The following DOCK3 variants were observed in gnomAD, a reference collection of about 807,000 sequenced individuals.
The protein encoded by DOCK3 is dedicator of cytokinesis 3.
Under a neutral mutation model 265.6 loss-of-function variants are expected in DOCK3, and 60 were observed. That is an observed-to-expected ratio of 0.23 (90% CI 0.18 to 0.28). The LOEUF is 0.28. Ranked by LOEUF, DOCK3 falls within the 10% of genes least tolerant of loss-of-function variation. DOCK3 has a pLI of 1.00. For missense variants in DOCK3, 1,981 were observed against 2,594.3 expected, an observed-to-expected ratio of 0.76 and a Z score of 5.14; for synonymous variants, 881 against 938.0, an observed-to-expected ratio of 0.94 and a Z score of 1.11.
At chr3:50,960,594 CT>C (rs1045724042) in intron 5 of DOCK3, among the ~76,000 whole-genome samples, 1 of 152,000 alleles carries the variant, frequency 6.6e-6, no homozygotes, top group Non-Finnish European at 1.5e-5. Flanking sequence ...GAGATAATCC[CT>C]TTATCAGAAG....
chr3:50,958,651 C>T (rs57642230), intron 5 of DOCK3, among the ~76,000 whole-genome samples: 14,330 of 152,122 alleles, frequency 0.094, 838 homozygotes, highest in Non-Finnish European at 0.12. Flanking sequence ...TTTATTTTTT[C>T]GTTTAACAAA....
chr3:51,077,571 G>A (rs1391197121), intron 7 of DOCK3, among the ~76,000 whole-genome samples: 1 of 152,186 alleles, frequency 6.6e-6, no homozygotes, highest in East Asian at 1.9e-4. Context: ...ATTGCCATGT[G>A]TGTTTGTAGA....
At chr3:51,116,466 A>AG (rs2083746263) in intron 9 of DOCK3, among the ~76,000 whole-genome samples, 1 of 151,488 alleles carries the variant, frequency 6.6e-6, no homozygotes, top group Non-Finnish European at 1.5e-5. Flanking sequence ...AAAAAAAAAA[A>AG]AAAAAAGGGT....
intron 19 of DOCK3, among the ~76,000 whole-genome samples, chr3:51,232,422 C>A (rs2078166742): frequency 6.6e-6 from 1 of 152,126 alleles, no homozygotes; most frequent in African/African-American, 2.4e-5. Context: ...AATGGTAGAT[C>A]TACTTTTAGT....
intron 2 of DOCK3, among the ~76,000 whole-genome samples, chr3:50,808,942 A>G (rs571482713): frequency 6.6e-6 from 1 of 152,232 alleles, no homozygotes; most frequent in African/African-American, 2.4e-5. Flanking sequence ...CTCACAGAAT[A>G]TACTCCAAAC....
At chr3:50,921,972 A>G (rs1172498269) in intron 4 of DOCK3, among the ~76,000 whole-genome samples, 2 of 152,120 alleles carry the variant, frequency 1.3e-5, no homozygotes. Context: ...CCTTACTGGG[A>G]GGTATCTCCC....
chr3:51,264,108 A>C (rs1302741113), intron 23 of DOCK3, among the ~76,000 whole-genome samples: 2 of 152,238 alleles, frequency 1.3e-5, no homozygotes, highest in African/African-American at 4.8e-5. Context: ...AACAGAATAT[A>C]CATTCTTCTC....
At chr3:50,733,987 C>A (rs1365398986) in intron 1 of DOCK3, among the ~76,000 whole-genome samples, 1 of 152,120 alleles carries the variant, frequency 6.6e-6, no homozygotes, top group Non-Finnish European at 1.5e-5. Flanking sequence ...AAGAACTTGA[C>A]ACAACATTGT....
At chr3:51,337,132 AC>A (rs879884586) in intron 35 of DOCK3, among the ~76,000 whole-genome samples, 16 of 152,080 alleles carry the variant, frequency 1.1e-4, no homozygotes, top group Non-Finnish European at 2.1e-4. Context: ...GATAGGTCAA[AC>A]CCCCCTAGAA....
At chr3:51,362,505 G>T (rs1486957752) in intron 48 of DOCK3, 22 bp from the exon 49 acceptor site, 1 of 1,486,728 alleles carries the variant, frequency 6.7e-7, no homozygotes, top group Non-Finnish European at 8.8e-7. Context: ...CCTCTATCCT[G>T]CTGATTTTTC....
chr3:51,344,981 G>A (rs1220248147), intron 38 of DOCK3, among the ~76,000 whole-genome samples: 1 of 152,210 alleles, frequency 6.6e-6, no homozygotes, highest in Non-Finnish European at 1.5e-5. Context: ...CAATGGAGGA[G>A]AAGACCTGTT....
chr3:50,831,200 T>G, intron 2 of DOCK3, among the ~76,000 whole-genome samples: 1 of 32,150 alleles, frequency 3.1e-5, no homozygotes, highest in East Asian at 4.7e-4. Context: ...TTTATTTATT[T>G]ATTTATTTAT....
In DOCK3 at chr3:51,331,339, C is replaced by T. The variant is rs150132755; in HGVS notation, c.3488+1116C>T. On this transcript the variant is annotated intron_variant, in intron 33 of 52. Transcript: ENST00000266037. Reference sequence around the variant, plus strand: ...CATACTTTAGTATTTCTTTTTTAGCCGAAGATTTGTCTAATTGTGGAAACA... The same window carrying T: ...CATACTTTAGTATTTCTTTTTTAGCTGAAGATTTGTCTAATTGTGGAAACA... Among the ~76,000 whole-genome samples the T allele has an allele frequency of 4.3e-4, 65 of 151,940 alleles. 1 individual carries two copies. The highest frequency in any genetic ancestry group is 1.4e-3 in the African/African-American group (59 of 41,444).
intron 24 of DOCK3, among the ~76,000 whole-genome samples, chr3:51,272,095 G>A (rs2080533490): frequency 1.3e-5 from 2 of 152,192 alleles, no homozygotes; most frequent in Admixed American, 1.3e-4. Flanking sequence ...ATGTGATCAA[G>A]TTCTGCCTTG....
At chr3:51,118,575 A>G (rs547867621) in intron 9 of DOCK3, among the ~76,000 whole-genome samples, 4 of 152,272 alleles carry the variant, frequency 2.6e-5, no homozygotes, top group East Asian at 1.9e-4. Context: ...GTCTCCCACT[A>G]TTATTGTGTG....
chr3:51,135,221 C>G (rs1352316192), intron 9 of DOCK3, among the ~76,000 whole-genome samples: 1 of 152,188 alleles, frequency 6.6e-6, no homozygotes, highest in Non-Finnish European at 1.5e-5. Flanking sequence ...ATAACCACAT[C>G]CAGTCAACTG....
intron 1 of DOCK3, among the ~76,000 whole-genome samples, chr3:50,764,144 A>G (rs935747832): frequency 1.3e-5 from 2 of 151,686 alleles, no homozygotes; most frequent in African/African-American, 2.4e-5. Context: ...TTCTTGATGG[A>G]TGGTTTCCTG....
intron 5 of DOCK3, among the ~76,000 whole-genome samples, chr3:51,007,624 A>G (rs1306410985): frequency 2.0e-5 from 3 of 152,058 alleles, no homozygotes; most frequent in African/African-American, 7.2e-5. Flanking sequence ...CTTTAGTTTA[A>G]TTAGATCCCA....
At chr3:50,863,380 T>A (rs1190875633) in intron 3 of DOCK3, 1 of 517,614 alleles carries the variant, frequency 1.9e-6, no homozygotes, top group Non-Finnish European at 3.9e-6. Flanking sequence ...CTTGACAAGT[T>A]CCCAAATAAT....
Sources: allele counts gnomAD v4.1 joint callset (sites outside exome capture counted in the v4.1 genomes callset), GRCh38; gene constraint gnomAD v4.1.1; transcripts MANE v1.5; gene names NCBI Gene and HGNC (gene_info 2026-07-23, HGNC 2026-07-21).